EFL1: variants seen among roughly 807,000 people sequenced by gnomAD.
The protein encoded by EFL1 is elongation factor like GTPase 1, also known as elongation factor-like GTPase 1.
EFL1 carries 76 observed loss-of-function variants against 126.7 expected under a neutral mutation model. The ratio of observed to expected loss-of-function variants is 0.60; its 90% CI spans 0.50 to 0.73. EFL1 has a LOEUF of 0.73. Among genes scored for constraint, EFL1 ranks in the 30% least tolerant of loss-of-function variants. The pLI is 0.00. For synonymous variants in EFL1, 410 were observed against 448.4 expected, an observed-to-expected ratio of 0.91 and a Z score of 1.08; for missense variants, 1,128 against 1,343.2, an observed-to-expected ratio of 0.84 and a Z score of 2.50.
chr15:82,169,358 T>C (rs1468464161), intron 15 of EFL1, among the ~76,000 whole-genome samples: 1 of 152,074 alleles, frequency 6.6e-6, no homozygotes, highest in African/African-American at 2.4e-5. Flanking sequence ...AGAATGGTGG[T>C]GGTCTGGCTT....
intron 19 of EFL1, among the ~76,000 whole-genome samples, chr15:82,137,875 CCTT>C (rs1180237848): frequency 3.3e-5 from 5 of 152,144 alleles, no homozygotes; most frequent in Non-Finnish European, 7.4e-5. Context: ...GATTGAGTGT[CCTT>C]CTTCTTAGCT....
chr15:82,147,686 A>C (rs2073863184), intron 18 of EFL1, among the ~76,000 whole-genome samples: 1 of 152,106 alleles, frequency 6.6e-6, no homozygotes, highest in Non-Finnish European at 1.5e-5. Flanking sequence ...ACAGGAAAAA[A>C]AATACAACTA....
intron 15 of EFL1, among the ~76,000 whole-genome samples, chr15:82,175,531 T>C (rs1284370885): frequency 6.6e-6 from 1 of 152,190 alleles, no homozygotes; most frequent in Non-Finnish European, 1.5e-5. Context: ...CCATTTTCAA[T>C]ATGAATGGGG....
chr15:82,259,858 T>C (rs1289367515), intron 2 of EFL1, among the ~76,000 whole-genome samples: 1 of 152,218 alleles, frequency 6.6e-6, no homozygotes, highest in East Asian at 1.9e-4. Context: ...AATCTCTGTA[T>C]TGTTCAAACC....
intron 15 of EFL1, among the ~76,000 whole-genome samples, chr15:82,165,183 C>T (rs141259356): frequency 6.6e-6 from 1 of 151,944 alleles, no homozygotes; most frequent in East Asian, 1.9e-4. Flanking sequence ...GTGGGAGGAT[C>T]GCTTAAGCAC....
intron 15 of EFL1, among the ~76,000 whole-genome samples, chr15:82,197,408 A>G (rs2074419370): frequency 6.6e-6 from 1 of 152,222 alleles, no homozygotes; most frequent in Non-Finnish European, 1.5e-5. Flanking sequence ...GAATCAATAG[A>G]CTCAAATCCT....
intron 2 of EFL1, among the ~76,000 whole-genome samples, chr15:82,260,796 TC>T (rs1043186365): frequency 6.6e-6 from 1 of 152,184 alleles, no homozygotes; most frequent in African/African-American, 2.4e-5. Context: ...CATGAGCAGC[TC>T]TATGAGATAT....
chr15:82,152,460 AATC>A (rs1449010439), intron 17 of EFL1, 37 bp from the exon 18 acceptor site: 1 of 1,528,098 alleles, frequency 6.5e-7, no homozygotes, highest in Non-Finnish European at 8.8e-7. Context: ...AGAAGGTTAA[AATC>A]AAAATAGCAT....
intron 15 of EFL1, among the ~76,000 whole-genome samples, chr15:82,172,189 G>A (rs8037224): frequency 0.67 from 101,383 of 152,120 alleles, 35,579 homozygotes; most frequent in African/African-American, 0.89. Context: ...CGTGCTGGCA[G>A]TTATGTGCAG....
chr15:82,258,042 C>A (rs182081358), intron 3 of EFL1, among the ~76,000 whole-genome samples: 1 of 152,302 alleles, frequency 6.6e-6, no homozygotes, highest in African/African-American at 2.4e-5. Flanking sequence ...CACATCAATT[C>A]CCAAATCGAT....
intron 15 of EFL1, among the ~76,000 whole-genome samples, chr15:82,169,047 G>T (rs1300399586): frequency 1.3e-5 from 2 of 152,076 alleles, no homozygotes; most frequent in African/African-American, 4.8e-5. Flanking sequence ...TCCTGAGACA[G>T]CCAGACTACC....
chr15:82,189,884 G>A (rs1223343112), intron 15 of EFL1, among the ~76,000 whole-genome samples: 2 of 152,116 alleles, frequency 1.3e-5, no homozygotes. Context: ...GGTAGGCTGA[G>A]GTGGGCAGAT....
intron 16 of EFL1, among the ~76,000 whole-genome samples, chr15:82,161,370 C>A (rs1252148550): frequency 6.6e-6 from 1 of 152,130 alleles, no homozygotes; most frequent in Non-Finnish European, 1.5e-5. Context: ...GCATAAGTTA[C>A]TAGGGCAAAG....
chr15:82,205,295 A>G (rs1391100788), intron 15 of EFL1, among the ~76,000 whole-genome samples: 2 of 152,226 alleles, frequency 1.3e-5, no homozygotes, highest in Non-Finnish European at 2.9e-5. Context: ...TAGTCAAGGT[A>G]TAATCTAATG....
intron 18 of EFL1, among the ~76,000 whole-genome samples, chr15:82,151,183 G>A (rs973315214): frequency 5.9e-5 from 9 of 152,090 alleles, no homozygotes; most frequent in Non-Finnish European, 1.2e-4. Context: ...TCAGGAGTTC[G>A]AGACCAACCT....
intron 17 of EFL1, among the ~76,000 whole-genome samples, chr15:82,156,349 T>C (rs1048587871): frequency 1.3e-5 from 2 of 152,190 alleles, no homozygotes; most frequent in African/African-American, 4.8e-5. Flanking sequence ...TGCAGTGGTG[T>C]GATCTCAGCT....
chr15:82,141,084 C>T (rs909612358), intron 18 of EFL1, among the ~76,000 whole-genome samples: 9 of 152,110 alleles, frequency 5.9e-5, no homozygotes, highest in Non-Finnish European at 1.2e-4. Context: ...TTCACTTTTC[C>T]AGGCCAATCT....
intron 5 of EFL1, among the ~76,000 whole-genome samples, 166 bp from the exon 6 acceptor site, chr15:82,240,721 G>T (rs1338534564): frequency 6.6e-6 from 1 of 152,194 alleles, no homozygotes; most frequent in African/African-American, 2.4e-5. Context: ...CTACACATAA[G>T]AAATCATTGT....
intron 4 of EFL1, among the ~76,000 whole-genome samples, chr15:82,249,613 A>T (rs982642312): frequency 6.6e-6 from 1 of 152,130 alleles, no homozygotes; most frequent in Non-Finnish European, 1.5e-5. Flanking sequence ...TACAGAACGT[A>T]TATTGTTAGG....
Sources: allele counts gnomAD v4.1 joint callset (sites outside exome capture counted in the v4.1 genomes callset), GRCh38; gene constraint gnomAD v4.1.1; transcripts MANE v1.5; gene names NCBI Gene and HGNC (gene_info 2026-07-23, HGNC 2026-07-21).